Variants in SMIM35 observed in about 807,000 individuals in gnomAD.
SMIM35 encodes TMPRSS4 antisense RNA 1 (non-protein coding).
chr11:118,028,530 A>C (rs1325089710), intron 1 of SMIM35, among the ~76,000 whole-genome samples: 2 of 152,220 alleles, frequency 1.3e-5, no homozygotes, highest in Non-Finnish European at 2.9e-5. Context: ...TTAATTCTAT[A>C]AAAACCCCTT....
At chr11:118,017,465 C>A (rs1377217475) in intron 1 of SMIM35, among the ~76,000 whole-genome samples, 1 of 152,086 alleles carries the variant, frequency 6.6e-6, no homozygotes, top group Admixed American at 6.5e-5. Context: ...TCATAGAGAG[C>A]CCCTCCAGTG....
intron 1 of SMIM35, among the ~76,000 whole-genome samples, chr11:118,049,420 C>T (rs182087965): frequency 2.9e-5 from 4 of 139,244 alleles, no homozygotes; most frequent in Non-Finnish European, 6.0e-5. Context: ...GCGATCTCTG[C>T]TCACTGCAAC....
chr11:118,039,208 G>A (rs1943961629), intron 1 of SMIM35, among the ~76,000 whole-genome samples: 1 of 152,188 alleles, frequency 6.6e-6, no homozygotes, highest in Non-Finnish European at 1.5e-5. Context: ...AGAAGGTGGT[G>A]ACTTAACCTT....
intron 1 of SMIM35, among the ~76,000 whole-genome samples, chr11:118,047,568 A>G (rs1338975071): frequency 6.6e-6 from 1 of 152,216 alleles, no homozygotes; most frequent in Non-Finnish European, 1.5e-5. Flanking sequence ...ACAGCCGGCC[A>G]CAGCCATCTC....
intron 1 of SMIM35, among the ~76,000 whole-genome samples, chr11:118,044,634 C>T (rs1344918194): frequency 2.6e-5 from 4 of 151,754 alleles, no homozygotes; most frequent in Admixed American, 6.6e-5. Context: ...ATTAGCCAGG[C>T]GTGGTGGCGG....
At chr11:118,085,865 G>C (rs907121157) in intron 1 of SMIM35, among the ~76,000 whole-genome samples, 1 of 152,196 alleles carries the variant, frequency 6.6e-6, no homozygotes, top group Admixed American at 6.5e-5. Flanking sequence ...GGTGGGCTCA[G>C]ATGGACCCAC....
chr11:118,007,729 C>G (rs376391251), intron 4 of SMIM35, among the ~76,000 whole-genome samples: 1 of 151,808 alleles, frequency 6.6e-6, no homozygotes, highest in Admixed American at 6.6e-5. Flanking sequence ...ACCATCATCC[C>G]CCCAGTGGTT....
chr11:118,034,136 A>G (rs1379514266), intron 1 of SMIM35, among the ~76,000 whole-genome samples: 1 of 151,792 alleles, frequency 6.6e-6, no homozygotes, highest in Non-Finnish European at 1.5e-5. Context: ...AGGCATGATG[A>G]CAAGCACCTG....
intron 1 of SMIM35, among the ~76,000 whole-genome samples, chr11:118,044,315 GA>G (rs34422344): frequency 0.045 from 6,012 of 134,422 alleles, 325 homozygotes; most frequent in African/African-American, 0.14. Context: ...TGGCAGAATT[GA>G]AAAAAAAAAA....
chr11:118,013,742 A>G lies in SMIM35; in HGVS notation c.*33+6T>C, dbSNP rs939621434. 5.0e-6 allele frequency: 2 copies of G among 398,798 alleles called. No homozygotes were observed. The highest frequency in any genetic ancestry group is 1.3e-4 in the South Asian group (1 of 7,838). 24.7% of individuals were successfully genotyped at this position (398,798 alleles called of 1,614,324 possible). On this transcript the variant is annotated splice_donor_region_variant and intron_variant, in intron 4 of 4. Transcript: ENST00000689828. ...TCACTCGGCAGCTCTCCCAACTCCA[A>G]CTCACCTCCCCAGGGCTTCACAAGT... is the stretch of plus-strand genomic sequence containing the variant.
chr11:118,033,509 G>T (rs558748047), intron 1 of SMIM35, among the ~76,000 whole-genome samples: 5 of 152,174 alleles, frequency 3.3e-5, no homozygotes, highest in African/African-American at 9.6e-5. Flanking sequence ...TAGTCAAGGG[G>T]TTTTTTCTGT....
At chr11:118,018,169 G>A (rs2058199318) in intron 1 of SMIM35, among the ~76,000 whole-genome samples, 1 of 152,184 alleles carries the variant, frequency 6.6e-6, no homozygotes, top group African/African-American at 2.4e-5. Flanking sequence ...TCATGAGCAG[G>A]AAGGCAGCAG....
Position 118,004,921 on chromosome 11 carries a change from T to C in SMIM35, c.*1489A>G. On this transcript the variant is annotated 3_prime_UTR_variant, in exon 5 of 5. Coordinates refer to ENST00000689828, the MANE Select transcript of SMIM35 (RefSeq NM_001394165.1). ...TAGAGCTGAGAGGCTCAGGGAGGGG[T>C]ACAGACTAGTACATGATCTGCAAAG... is the stretch of plus-strand genomic sequence containing the variant. 6.6e-6 allele frequency: 1 copy of C among 152,036 alleles called. No individual in the cohort carries two copies. The highest frequency in any genetic ancestry group is 1.5e-5 in the Non-Finnish European group (1 of 68,034). 9.4% of individuals were successfully genotyped at this position (152,036 alleles called of 1,614,324 possible).
At chr11:118,026,976 C>T (rs1280170345) in intron 1 of SMIM35, among the ~76,000 whole-genome samples, 2 of 149,152 alleles carry the variant, frequency 1.3e-5, no homozygotes, top group Non-Finnish European at 3.0e-5. Context: ...CTCCAACAGG[C>T]TGTCAGCTAT....
At chr11:118,041,407 A>G (rs1184111281) in intron 1 of SMIM35, among the ~76,000 whole-genome samples, 3 of 152,230 alleles carry the variant, frequency 2.0e-5, no homozygotes, top group Non-Finnish European at 4.4e-5. Context: ...GCCAAGCCGT[A>G]AAACAAACCT....
At chr11:118,026,243 C>T (rs181227808) in intron 1 of SMIM35, among the ~76,000 whole-genome samples, 1 of 152,188 alleles carries the variant, frequency 6.6e-6, no homozygotes, top group Admixed American at 6.5e-5. Context: ...GTGGTAAAGC[C>T]ACATATTTTA....
chr11:118,063,746 C>T (rs142378869), intron 1 of SMIM35, among the ~76,000 whole-genome samples: 105 of 152,288 alleles, frequency 6.9e-4, no homozygotes, highest in African/African-American at 2.5e-3. Context: ...GTAACGAAGT[C>T]TCCATAAAAG....
intron 1 of SMIM35, among the ~76,000 whole-genome samples, chr11:118,061,939 A>G (rs1425350754): frequency 1.3e-5 from 2 of 152,110 alleles, no homozygotes; most frequent in African/African-American, 4.8e-5. Context: ...GAACCCCACC[A>G]ACTGCCTCGG....
At chr11:118,071,505 C>T (rs545032698) in intron 1 of SMIM35, among the ~76,000 whole-genome samples, 93 of 152,208 alleles carry the variant, frequency 6.1e-4, no homozygotes, top group Non-Finnish European at 8.2e-4. Context: ...ACACTGGGTT[C>T]CCTCCACGCT....
Sources: allele counts gnomAD v4.1 joint callset (sites outside exome capture counted in the v4.1 genomes callset), GRCh38; gene constraint gnomAD v4.1.1; transcripts MANE v1.5; gene names NCBI Gene and HGNC (gene_info 2026-07-23, HGNC 2026-07-21).